The following PNPLA4 variants were observed in gnomAD, a reference collection of about 807,000 sequenced individuals.
The protein encoded by PNPLA4 is patatin like domain 4, phospholipase and triacylglycerol lipase.
In PNPLA4, 15 loss-of-function variants were observed where a neutral mutation model predicts 18.3. The observed-to-expected ratio is 0.82, with a 90% CI of 0.55 to 1.26. The LOEUF is 1.26. Ranked by LOEUF, PNPLA4 falls within the 50% of genes most tolerant of loss-of-function variation. The pLI is 0.00. For synonymous variants in PNPLA4, 88 were observed against 85.6 expected (o/e 1.03, Z -0.16); for missense variants, 229 against 196.8 (o/e 1.16, Z -0.98).
At chrX:7,906,734 G>A (rs1206119121) in intron 5 of PNPLA4, among the ~76,000 whole-genome samples, 1 of 112,026 alleles carries the variant, frequency 8.9e-6, no homozygotes, top group Non-Finnish European at 1.9e-5. Flanking sequence ...TCTAAGCCAC[G>A]AGGAAATAGA....
chrX:7,910,290 C>T (rs1274616107), intron 5 of PNPLA4, among the ~76,000 whole-genome samples: 2 of 110,730 alleles, frequency 1.8e-5, no homozygotes, highest in Admixed American at 1.9e-4. Flanking sequence ...TGATGAGGAC[C>T]GATGAGATCA....
At chrX:7,907,230 G>A (rs1444068141) in intron 5 of PNPLA4, among the ~76,000 whole-genome samples, 1 of 111,101 alleles carries the variant, frequency 9.0e-6, no homozygotes, top group Non-Finnish European at 1.9e-5. Context: ...CGTTAGCCAG[G>A]CTGGTCTCGA....
chrX:7,915,877 C>T (rs1924030344), intron 4 of PNPLA4, among the ~76,000 whole-genome samples: 1 of 111,846 alleles, frequency 8.9e-6, no homozygotes, highest in South Asian at 3.7e-4. Context: ...ATCTTAAATT[C>T]AGTTTTTATT....
At chrX:7,909,342 G>A (rs865826534) in intron 5 of PNPLA4, among the ~76,000 whole-genome samples, 32 of 111,424 alleles carry the variant, frequency 2.9e-4, no homozygotes, top group Admixed American at 1.1e-3. Flanking sequence ...GGTGGATCAC[G>A]AGGTCAGGAG....
At position 7,921,736 on chromosome X, in the gene PNPLA4, A is replaced by G. The variant is rs992535986; in HGVS notation, c.388T>C (p.Ser130Pro). ...TRENHLVSTFSSREDLIKVLL... is the reference protein window; with the variant it reads ...TRENHLVSTFPSREDLIKVLL... The stretch of plus-strand genomic sequence containing the variant: ...ACCTTAATGAGGTCCTCCCTGGAGG[A>G]AAAAGTGGAGACTAAGTGATTTTCT... The change falls in exon 4 of 7, where the codon TCC (serine) becomes CCC (proline). Residue 130 changes from serine (S) to proline (P), a missense_variant. Ser to Pro is a moderately conservative substitution (Grantham distance 74). Coordinates refer to ENST00000381042, the MANE Select transcript of PNPLA4 (RefSeq NM_004650.3). The G allele has an allele frequency of 8.3e-7, 1 of 1,208,027 alleles. No homozygotes were observed. Among genetic ancestry groups the G allele is most frequent in the East Asian group, 3.0e-5 (1 of 33,733 alleles).
chrX:7,903,274 G>GTTTGTTTATTTA (rs757206168), intron 5 of PNPLA4, among the ~76,000 whole-genome samples: 3 of 93,028 alleles, frequency 3.2e-5, no homozygotes, highest in Non-Finnish European at 4.3e-5. Context: ...TCCTTCTTGT[G>GTTTGTTTATTTA]TTTATTTATT....
intron 4 of PNPLA4, among the ~76,000 whole-genome samples, chrX:7,917,140 C>T (rs925530060): frequency 3.6e-5 from 4 of 112,594 alleles, no homozygotes; most frequent in African/African-American, 1.3e-4. Flanking sequence ...TTGGACCACA[C>T]AGTCCACAAG....
At position 7,921,780 on chromosome X, in the gene PNPLA4, A is replaced by C; in HGVS notation, c.344T>G (p.Ile115Ser). The change falls in exon 4 of 7, where the codon ATC becomes AGC. Residue 115 changes from isoleucine (I) to serine (S), a missense_variant. Ile to Ser is a moderately radical substitution (Grantham distance 142, BLOSUM62 -2). Coordinates refer to ENST00000381042, the MANE Select transcript of PNPLA4 (RefSeq NM_004650.3). ...ELAQNRLHVS[I>S]TNAKTRENHL... ...ATTTTCTCTGGTTTTGGCGTTGGTG[A>C]TGGATACGTGCAGTCGGTTCTGGGC... 1 of 1,204,248 alleles carries C rather than the reference A, an allele frequency of 8.3e-7. No homozygotes were observed. The highest frequency in any genetic ancestry group is 2.2e-5 in the Admixed American group (1 of 45,920).
At chrX:7,925,893 T>C in intron 2 of PNPLA4, 47 bp downstream of exon 2, 1 of 1,096,180 alleles carries the variant, frequency 9.1e-7, no homozygotes, top group Non-Finnish European at 1.3e-6. Flanking sequence ...TGCCTTTGGG[T>C]CTTAATTTCT....
At chrX:7,908,942 G>A (rs185433494) in intron 5 of PNPLA4, among the ~76,000 whole-genome samples, 7 of 111,754 alleles carry the variant, frequency 6.3e-5, no homozygotes, top group Non-Finnish European at 1.3e-4. Flanking sequence ...TCACATCATG[G>A]AAAGTTCACT....
chrX:7,922,095 A>G lies in PNPLA4; in HGVS notation c.184T>C (p.Cys62Arg), dbSNP rs775773280. 1.7e-5 allele frequency: 20 copies of G among 1,179,124 alleles called. No individual in the cohort carries two copies. In the South Asian group the frequency reaches 2.4e-4, roughly 14 times the overall value. Reference sequence around the variant, plus strand: ...GCAAACTTGTAGGTAAATTGGTTACATTCCTAAAAAAAGAAAATTAAGAAG... The same window carrying G: ...GCAAACTTGTAGGTAAATTGGTTACGTTCCTAAAAAAAGAAAATTAAGAAG... The part of the protein sequence containing the change: ...LLTAPEKIEE[C>R]NQFTYKFAEE... The change falls in exon 3 of 7, where the codon TGT (cysteine) becomes CGT (arginine). Residue 62 changes from cysteine to arginine, a missense_variant. Coordinates refer to ENST00000381042, the MANE Select transcript of PNPLA4 (RefSeq NM_004650.3).
intron 2 of PNPLA4, among the ~76,000 whole-genome samples, chrX:7,924,652 T>C (rs1298419579): frequency 1.8e-5 from 2 of 112,389 alleles, no homozygotes; most frequent in African/African-American, 3.2e-5. Flanking sequence ...GGTAAACTGA[T>C]CTGAGAATAT....
chrX:7,907,206 A>T (rs1923732369), intron 5 of PNPLA4, among the ~76,000 whole-genome samples: 1 of 110,945 alleles, frequency 9.0e-6, no homozygotes, highest in Non-Finnish European at 1.9e-5. Context: ...TTTAGTAGAA[A>T]CAGGGTTTCA....
chrX:7,923,886 A>C (rs1242564052), intron 2 of PNPLA4, among the ~76,000 whole-genome samples: 1 of 110,650 alleles, frequency 9.0e-6, no homozygotes, highest in African/African-American at 3.3e-5. Flanking sequence ...GGGTGACATC[A>C]CTCTAAGCGC....
intron 5 of PNPLA4, among the ~76,000 whole-genome samples, chrX:7,910,402 C>T (rs1218080509): frequency 9.1e-6 from 1 of 110,427 alleles, no homozygotes; most frequent in Non-Finnish European, 1.9e-5. Context: ...TGGTGCTGGG[C>T]CCTCAAGGTG....
chrX:7,927,090 C>T (rs1924444830), intron 1 of PNPLA4, among the ~76,000 whole-genome samples, 196 bp downstream of exon 1: 1 of 113,181 alleles, frequency 8.8e-6, no homozygotes, highest in Non-Finnish European at 1.9e-5. Flanking sequence ...AGTCATCGAT[C>T]CGGGGTCAAG....
At chrX:7,911,945 T>C (rs1313429712) in intron 5 of PNPLA4, 83 bp downstream of exon 5, 6 of 659,459 alleles carry the variant, frequency 9.1e-6, no homozygotes, top group African/African-American at 4.4e-5. Context: ...TTGAAGCCAC[T>C]AGAATAATTA....
At chrX:7,904,559 C>T (rs1923648915) in intron 5 of PNPLA4, among the ~76,000 whole-genome samples, 1 of 112,317 alleles carries the variant, frequency 8.9e-6, no homozygotes, top group Non-Finnish European at 1.9e-5. Flanking sequence ...AGGACAATCA[C>T]ACATTCATTC....
intron 5 of PNPLA4, among the ~76,000 whole-genome samples, chrX:7,903,853 ATG>A (rs1463972220): frequency 2.7e-5 from 3 of 111,780 alleles, no homozygotes; most frequent in East Asian, 2.8e-4. Flanking sequence ...ATGATATATT[ATG>A]TGTTATGTGT....
Sources: allele counts gnomAD v4.1 joint callset (sites outside exome capture counted in the v4.1 genomes callset), GRCh38; gene constraint gnomAD v4.1.1; transcripts MANE v1.5; gene names NCBI Gene and HGNC (gene_info 2026-07-23, HGNC 2026-07-21).